ATP13A2: variants seen among roughly 807,000 people sequenced by gnomAD.
ATP13A2 encodes the protein polyamine-transporting ATPase 13A2.
In ATP13A2, 83 loss-of-function variants were observed where a neutral mutation model predicts 138.3. That is an observed-to-expected ratio of 0.60 (90% CI 0.50 to 0.72). The LOEUF (loss-of-function observed/expected upper bound fraction) is 0.72, where lower values mean the gene tolerates loss of function less well. Among genes scored for constraint, ATP13A2 ranks in the 30% least tolerant of loss-of-function variants. The pLI is 0.00. For missense variants in ATP13A2, 1,402 were observed against 1,606.4 expected, an observed-to-expected ratio of 0.87 and a Z score of 2.17; for synonymous variants, 663 against 699.0, an observed-to-expected ratio of 0.95 and a Z score of 0.81.
chr1:17,001,990 A>G, intron 8 of ATP13A2, 44 bp downstream of exon 8: 3 of 1,582,712 alleles, frequency 1.9e-6, no homozygotes, highest in Non-Finnish European at 2.6e-6. Context: ...AAGGTCACAC[A>G]GCACGCCAGG....
chr1:17,004,878 T>A lies in ATP13A2; in HGVS notation c.348-57A>T. 1 of 1,613,296 alleles carries A rather than the reference T, an allele frequency of 6.2e-7. No individual in the cohort carries two copies. Among genetic ancestry groups the A allele is most frequent in the Non-Finnish European group, 8.5e-7 (1 of 1,179,908 alleles). On this transcript the variant is annotated intron_variant, in intron 4 of 28. Coordinates refer to ENST00000326735, the MANE Select transcript of ATP13A2 (RefSeq NM_022089.4). The surrounding 1 kb of genome is among the most constrained non-coding windows in gnomAD (Gnocchi z 4.1). ...TCTGGGAGCTGCCCTGGCACCTCCC[T>A]GTGCTCACAGAGCCATCTTCCCTCC...
chr1:16,992,909 A>G (rs2076986635), intron 16 of ATP13A2, among the ~76,000 whole-genome samples: 1 of 152,190 alleles, frequency 6.6e-6, no homozygotes, highest in Non-Finnish European at 1.5e-5. Flanking sequence ...AGGCCTTGCC[A>G]TTATTATTAT....
Position 17,005,427 on chromosome 1 carries a change from GCCGGAGCCGCAGCCGCAC to G in ATP13A2, c.217_234del (p.Val73_Arg78del). 1 of 1,613,206 alleles carries G rather than the reference GCCGGAGCCGCAGCCGCAC, an allele frequency of 6.2e-7. No individual in the cohort carries two copies. The highest frequency in any genetic ancestry group is 8.5e-7 in the Non-Finnish European group (1 of 1,179,640). On this transcript the variant is annotated inframe_deletion, in exon 3 of 29. Transcript: ENST00000326735. ...GTTTCGGCGTGGGCCAGGTTGCAGG[GCCGGAGCCGCAGCCGCAC>G]CCCCCACAGGGGCTTCCAACGGAAG...
intron 12 of ATP13A2, 181 bp from the exon 13 acceptor site, chr1:16,996,677 A>G: frequency 1.6e-6 from 1 of 635,126 alleles, no homozygotes; most frequent in South Asian, 1.9e-5. Context: ...TAAGGGCTTT[A>G]AACAAGGAAC....
chr1:16,996,191 C>CACCT, intron 14 of ATP13A2, 27 bp from the exon 15 acceptor site: 1 of 1,614,176 alleles, frequency 6.2e-7, no homozygotes, highest in Non-Finnish European at 8.5e-7. Flanking sequence ...TGAATGTGAG[C>CACCT]ACCTGGCTGG....
At chr1:16,999,422 T>A (rs1201680504) in intron 11 of ATP13A2, among the ~76,000 whole-genome samples, 13 of 142,642 alleles carry the variant, frequency 9.1e-5, no homozygotes. Context: ...ATAGCCCAGA[T>A]GCACTGGGTG....
rs2101434498 is a variant in ATP13A2, at chr1:17,011,767, C to A, written c.-29G>T. 3 of 1,431,092 alleles carry A rather than the reference C, an allele frequency of 2.1e-6. No individual in the cohort carries two copies. Among genetic ancestry groups the A allele is most frequent in the Non-Finnish European group, 2.7e-6 (3 of 1,093,674 alleles). 88.6% of individuals were successfully genotyped at this position (1,431,092 alleles called of 1,614,324 possible). A position where few individuals can be genotyped will look rare whatever the true frequency, so the allele number is the denominator to read the frequency against. On this transcript the variant is annotated 5_prime_UTR_variant, in exon 1 of 29. Coordinates refer to ENST00000326735, the MANE Select transcript of ATP13A2 (RefSeq NM_022089.4). This position sits in a 1 kb window ranked among gnomAD's most constrained non-coding sequence, Gnocchi z 7.3. ...GGCTCCTCGCGCTCATCGCCGGCCCCGGCGCTGCGGCCCTCGGCCTGGGCC... is the reference window on the plus strand; with the variant it reads ...GGCTCCTCGCGCTCATCGCCGGCCCAGGCGCTGCGGCCCTCGGCCTGGGCC...
intron 25 of ATP13A2, 89 bp downstream of exon 25, chr1:16,988,049 T>C: frequency 1.6e-6 from 2 of 1,217,550 alleles, no homozygotes; most frequent in Non-Finnish European, 1.2e-6. Flanking sequence ...ACGTCATCTA[T>C]TCTGGGACCT....
rs571464252 is a variant in ATP13A2, at chr1:16,992,214, C to T, written c.2005+29G>A. 3.7e-6 allele frequency: 6 copies of T among 1,611,732 alleles called. No individual in the cohort carries two copies. The East Asian group carries it at 1.3e-4, about 36-fold the overall frequency. Reference sequence around the variant, plus strand: ...ACCCCATTCTGTGCCAATGCCCAACCAGGGGGACTCAGGGGCTTCCCCCTG... The same window carrying T: ...ACCCCATTCTGTGCCAATGCCCAACTAGGGGGACTCAGGGGCTTCCCCCTG... On this transcript the variant is annotated intron_variant, in intron 18 of 28. Transcript: ENST00000326735.
At chr1:16,993,944 C>T (rs2077026354) in intron 15 of ATP13A2, 109 bp from the exon 16 acceptor site, 6 of 946,132 alleles carry the variant, frequency 6.3e-6, no homozygotes, top group Admixed American at 3.0e-5. Flanking sequence ...ACCCCAGGAA[C>T]TCGAGCTGGA....
At position 16,996,042 on chromosome 1, in the gene ATP13A2, G is replaced by A; in HGVS notation, c.1476C>T (p.Gly492=). 1 of 1,614,108 alleles carries A rather than the reference G, an allele frequency of 6.2e-7. No individual in the cohort carries two copies. Among genetic ancestry groups the A allele is most frequent in the Non-Finnish European group, 8.5e-7 (1 of 1,180,052 alleles). Residue 492 remains glycine (G), a synonymous_variant, in exon 15 of 29, where the codon GGC becomes GGT. Transcript: ENST00000326735. The part of the protein sequence containing the change: ...LYAQSRLRRQ[G]IFCIHPLRIN... ...TGCGCAGTGGGTGGATGCAGAAAATGCCCTGTCTCCGCAGTCGGCTCTGGG... is the reference window on the plus strand; with the variant it reads ...TGCGCAGTGGGTGGATGCAGAAAATACCCTGTCTCCGCAGTCGGCTCTGGG...
In ATP13A2 at chr1:17,004,557, C is replaced by T. The variant is rs1048687518; in HGVS notation, c.477+135G>A. 9 of 1,571,886 alleles carry T rather than the reference C, an allele frequency of 5.7e-6. No individual in the cohort carries two copies. The highest frequency in any genetic ancestry group is 2.3e-5 in the South Asian group (2 of 88,358). On this transcript the variant is annotated intron_variant, in intron 5 of 28. Transcript: ENST00000326735. The surrounding 1 kb of genome is among the most constrained non-coding windows in gnomAD (Gnocchi z 4.1). The stretch of plus-strand genomic sequence containing the variant: ...GTGGGGAGAGGCCTGAAAGTGTAAA[C>T]GTGCTCAGACAGCATCCTGGATGTT...
intron 16 of ATP13A2, 36 bp downstream of exon 16, chr1:16,993,593 C>T (rs1255756347): frequency 6.4e-7 from 1 of 1,551,860 alleles, no homozygotes. Flanking sequence ...GCCCCACTGC[C>T]CAGAGGCAGG....
At chr1:16,987,311 G>A in intron 25 of ATP13A2, 42 bp from the exon 26 acceptor site, 3 of 1,583,522 alleles carry the variant, frequency 1.9e-6, no homozygotes, top group Non-Finnish European at 2.6e-6. Flanking sequence ...CTAAGACCTG[G>A]CCCTGGCAGC....
At chr1:17,003,958 A>T (rs2076601) in intron 6 of ATP13A2, among the ~76,000 whole-genome samples, 2 of 151,882 alleles carry the variant, frequency 1.3e-5, no homozygotes, top group South Asian at 2.1e-4. Flanking sequence ...CACCGCACCC[A>T]GCCTGAGCTC....
intron 11 of ATP13A2, among the ~76,000 whole-genome samples, chr1:16,997,635 A>G (rs2077190650): frequency 6.6e-6 from 1 of 152,102 alleles, no homozygotes; most frequent in Non-Finnish European, 1.5e-5. Context: ...TGAGGCCAGG[A>G]GTTCGGGACC....
chr1:16,991,775 T>A lies in ATP13A2; in HGVS notation c.2210A>T (p.Gln737Leu), dbSNP rs1277307442. 5 of 1,614,164 alleles carry A rather than the reference T, an allele frequency of 3.1e-6. No individual in the cohort carries two copies. In the South Asian group the frequency reaches 5.5e-5, roughly 18 times the overall value. Residue 737 changes from glutamine (Q) to leucine (L), a missense_variant, in exon 20 of 29, where the codon CAG becomes CTG. Transcript: ENST00000326735. ...LLKPQTTPVI[Q>L]ALRRTRIRAV... The stretch of plus-strand genomic sequence containing the variant: ...GCGGATGCGGGTCCTTCGCAGAGCC[T>A]GGATAACTGGCGTTGTCTGCGGCTT...
rs1438052889 is a variant in ATP13A2 at position 16,990,119 on chromosome 1, A to G, written c.2412+8T>C. On this transcript the variant is annotated splice_region_variant and intron_variant, in intron 21 of 28. Coordinates refer to ENST00000326735, the MANE Select transcript of ATP13A2 (RefSeq NM_022089.4). ...TGAGGTACAGCTGGAACTCTGGGTTAGCCTCACCTTAACGCCATTCACGGC... is the reference window on the plus strand; with the variant it reads ...TGAGGTACAGCTGGAACTCTGGGTTGGCCTCACCTTAACGCCATTCACGGC... The G allele has an allele frequency of 3.1e-6, 5 of 1,614,174 alleles. No individual in the cohort carries two copies. The highest frequency in any genetic ancestry group is 3.4e-6 in the Non-Finnish European group (4 of 1,180,024).
chr1:16,991,650 A>G (rs890913873), intron 20 of ATP13A2, 84 bp downstream of exon 20: 2 of 1,607,940 alleles, frequency 1.2e-6, no homozygotes, highest in Non-Finnish European at 8.5e-7. Flanking sequence ...AGATGCCCCA[A>G]AAAGGAATCC....
Sources: allele counts gnomAD v4.1 joint callset (sites outside exome capture counted in the v4.1 genomes callset), GRCh38; gene constraint gnomAD v4.1.1; non-coding constraint Gnocchi (gnomAD v3.1); transcripts MANE v1.5; gene names NCBI Gene and HGNC (gene_info 2026-07-23, HGNC 2026-07-21).